The following TRAPPC2L variants were observed in gnomAD, a reference collection of about 807,000 sequenced individuals.
TRAPPC2L encodes trafficking protein particle complex subunit 2L.
In TRAPPC2L, 17 loss-of-function variants were observed where a neutral mutation model predicts 13.2. That is an observed-to-expected ratio of 1.29 (90% CI 0.88 to 1.93). The LOEUF (loss-of-function observed/expected upper bound fraction) is 1.93. TRAPPC2L is among the 30% of genes most tolerant of loss of function. The pLI, the probability that TRAPPC2L is intolerant of heterozygous loss-of-function variation, is 0.00. For missense variants in TRAPPC2L, 359 were observed against 252.1 expected, an observed-to-expected ratio of 1.42 and a Z score of -2.87; for synonymous variants, 150 against 98.1, an observed-to-expected ratio of 1.53 and a Z score of -3.12.
chr16:88,859,743 T>C, exon 3 of TRAPPC2L: 1 of 1,613,804 alleles, frequency 6.2e-7, no homozygotes, highest in South Asian at 1.1e-5. Flanking sequence ...GACAACGAAA[T>C]TCGCAGCGTA....
chr16:88,857,341 C>A (rs1968003961), intron 1 of TRAPPC2L, 158 bp downstream of exon 1: 4 of 650,622 alleles, frequency 6.1e-6, no homozygotes, highest in Non-Finnish European at 9.8e-6. Flanking sequence ...GTGGACGAGC[C>A]GCCAGGCAGA....
At chr16:88,861,766 C>A in exon 4 of TRAPPC2L, 1 of 442,432 alleles carries the variant, frequency 2.3e-6, no homozygotes, top group Non-Finnish European at 4.6e-6. Flanking sequence ...CAGCACTGGT[C>A]CAGGACTGGA....
upstream of TRAPPC2L, chr16:88,856,614 C>G: frequency 9.0e-6 from 5 of 553,928 alleles, no homozygotes; most frequent in South Asian, 8.7e-5. Context: ...CCTCCCCGCG[C>G]GGGGCCTCCC....
chr16:88,861,110 G>A (rs1050619274), exon 4 of TRAPPC2L: 26 of 730,792 alleles, frequency 3.6e-5, no homozygotes, highest in Non-Finnish European at 5.9e-5. Context: ...TCTTGTGAGA[G>A]GAGATTTGGC....
At chr16:88,856,895 C>G, upstream of TRAPPC2L, 1 of 1,501,954 alleles carries the variant, frequency 6.7e-7, no homozygotes, top group Non-Finnish European at 8.8e-7. Flanking sequence ...ACGGGAGCCG[C>G]GGAGCCCCGG....
exon 2 of TRAPPC2L, chr16:88,858,631 T>C (rs114448498): frequency 5.0e-6 from 8 of 1,612,952 alleles, no homozygotes; most frequent in East Asian, 2.2e-5. Context: ...TTACCCCCTC[T>C]ACATTCGCAG....
exon 2 of TRAPPC2L, chr16:88,858,773 C>G: frequency 6.2e-7 from 1 of 1,613,300 alleles, no homozygotes; most frequent in Non-Finnish European, 8.5e-7. Flanking sequence ...CTGCTCTACC[C>G]CACGGAGGAC....
chr16:88,856,912 A>G (rs1161394043), upstream of TRAPPC2L: 1 of 1,495,762 alleles, frequency 6.7e-7, no homozygotes. Flanking sequence ...CCGGCCAGCG[A>G]GCCGACCTAG....
At chr16:88,860,608 A>G (rs1446878474) in exon 4 of TRAPPC2L, 1 of 588,374 alleles carries the variant, frequency 1.7e-6, no homozygotes. Context: ...GAATGTCCAC[A>G]GTCTTGCCTC....
chr16:88,857,149 A>C, exon 1 of TRAPPC2L: 1 of 1,581,696 alleles, frequency 6.3e-7, no homozygotes, highest in Non-Finnish European at 8.5e-7. Context: ...GAGCCTCCCA[A>C]GATGGCGGTG....
rs1193607982 is a variant in TRAPPC2L, at chr16:88,860,962, G to A, written c.*638G>A. 2.5e-6 allele frequency: 4 copies of A among 1,586,068 alleles called. No individual in the cohort carries two copies. In the East Asian group the frequency reaches 9.1e-5, roughly 36 times the overall value. ...CGATGATGATACAGGTGTGCTGAGTGAGCTGTGCTGCCAGCCATCGCAGAG... is the reference window on the plus strand; with the variant it reads ...CGATGATGATACAGGTGTGCTGAGTAAGCTGTGCTGCCAGCCATCGCAGAG... On this transcript the variant is annotated 3_prime_UTR_variant, in exon 4 of 4. Coordinates refer to ENST00000565504, the Ensembl canonical transcript of TRAPPC2L.
chr16:88,856,744 C>T (rs368397682), upstream of TRAPPC2L: 95 of 1,499,256 alleles, frequency 6.3e-5, no homozygotes, highest in East Asian at 7.8e-4. Context: ...CCCCGTCCCA[C>T]CGCCCGCACT....
At chr16:88,859,537 G>C in intron 2 of TRAPPC2L, 126 bp from the exon 3 acceptor site, 1 of 947,888 alleles carries the variant, frequency 1.1e-6, no homozygotes, top group East Asian at 2.4e-5. Context: ...GGCCACTGCA[G>C]GACCAGCCCA....
intron 1 of TRAPPC2L, 54 bp from the exon 2 acceptor site, chr16:88,858,565 G>C: frequency 6.3e-7 from 1 of 1,584,330 alleles, no homozygotes; most frequent in South Asian, 1.2e-5. Context: ...GTTCAGAGCT[G>C]GTGTGCGCTG....
At chr16:88,861,602 G>T in exon 4 of TRAPPC2L, 1 of 481,564 alleles carries the variant, frequency 2.1e-6, no homozygotes, top group South Asian at 1.5e-5. Context: ...CTGCCTGTTG[G>T]TGCTGAGGGG....
Position 88,857,187 on chromosome 16 carries a change from C to A in TRAPPC2L, c.33+4C>A. The A allele has an allele frequency of 6.4e-7, 1 of 1,573,168 alleles. No homozygotes were observed. On this transcript the variant is annotated splice_donor_region_variant and intron_variant, in intron 1 of 3. Coordinates refer to ENST00000565504, the Ensembl canonical transcript of TRAPPC2L. Reference sequence around the variant, plus strand: ...CATCGCGGTGATTGCCAAGGAGGTGCGTACGCGCGGCGTGGGGCGTCCGGG... The same window carrying A: ...CATCGCGGTGATTGCCAAGGAGGTGAGTACGCGCGGCGTGGGGCGTCCGGG...
At chr16:88,857,153 G>A in exon 1 of TRAPPC2L, 2 of 1,583,230 alleles carry the variant, frequency 1.3e-6, no homozygotes, top group South Asian at 2.3e-5. Context: ...CTCCCAAGAT[G>A]GCGGTGTGCA....
At position 88,859,760 on chromosome 16, in the gene TRAPPC2L, G is replaced by T; in HGVS notation, c.294+10G>T. 2.5e-6 allele frequency: 4 copies of T among 1,610,952 alleles called. No homozygotes were observed. Among genetic ancestry groups the T allele is most frequent in the Non-Finnish European group, 3.4e-6 (4 of 1,177,912 alleles). On this transcript the variant is annotated intron_variant, in intron 3 of 3. Transcript: ENST00000565504. ...CAACGAAATTCGCAGCGTAAGTCAG[G>T]GAGTTAGAGGGCCACGCCCGAGTGG...
At chr16:88,860,484 A>G (rs576335520) in exon 4 of TRAPPC2L, 45 of 602,206 alleles carry the variant, frequency 7.5e-5, no homozygotes, top group African/African-American at 6.1e-4. Flanking sequence ...GTTCCAAGAC[A>G]TAATTCCCTG....
Sources: gnomAD v4.1 joint callset for allele counts on GRCh38, gnomAD v4.1.1 for gene constraint, MANE v1.5 for transcripts, NCBI Gene and HGNC (gene_info 2026-07-23, HGNC 2026-07-21) for gene names.